MAP2: variants seen among roughly 807,000 people sequenced by gnomAD.
MAP2 encodes the protein microtubule associated protein 2.
In MAP2, 14 loss-of-function variants were observed where a neutral mutation model predicts 137.6. The ratio of observed to expected loss-of-function variants is 0.10; its 90% CI spans 0.07 to 0.16. The LOEUF is 0.16. MAP2 is among the 10% of genes least tolerant of loss of function. The probability of loss-of-function intolerance (pLI) is 1.00; values close to 1 mark genes in which losing one functional copy is unlikely to be tolerated. For missense variants in MAP2, 2,088 were observed against 2,191.5 expected (o/e 0.95, Z 0.94); for synonymous variants, 786 against 782.3 (o/e 1.00, Z -0.08).
chr2:209,514,733 A>C (rs1431663883), intron 2 of MAP2, among the ~76,000 whole-genome samples: 1 of 152,146 alleles, frequency 6.6e-6, no homozygotes, highest in African/African-American at 2.4e-5. Flanking sequence ...TAGTAGTACA[A>C]GGGATAAACT....
At position 209,625,115 on chromosome 2, in the gene MAP2, C is replaced by T. The variant is rs1034615030; in HGVS notation, c.-44C>T. 2.6e-5 allele frequency: 4 copies of T among 152,042 alleles called. No homozygotes were observed. Among genetic ancestry groups the T allele is most frequent in the Non-Finnish European group, 4.4e-5 (3 of 68,016 alleles). 9.4% of individuals were successfully genotyped at this position (152,042 alleles called of 1,614,324 possible). A position where few individuals can be genotyped will look rare whatever the true frequency, so the allele number is the denominator to read the frequency against. ...CGACACAACGAACTTTATATTTTAC[C>T]ACTTCCTTGAATAGGTAAGACTCTC... is the stretch of plus-strand genomic sequence containing the variant. On this transcript the variant is annotated 5_prime_UTR_variant, in exon 4 of 16. Coordinates refer to ENST00000682079, the MANE Select transcript of MAP2 (RefSeq NM_001375505.1).
chr2:209,457,633 A>C (rs1701847489), intron 1 of MAP2, among the ~76,000 whole-genome samples: 1 of 152,170 alleles, frequency 6.6e-6, no homozygotes, highest in Admixed American at 6.5e-5. Flanking sequence ...TTCCTCATCC[A>C]TTAAAAGAGG....
At chr2:209,690,565 T>C in intron 7 of MAP2, 2 of 1,252,602 alleles carry the variant, frequency 1.6e-6, no homozygotes, top group Non-Finnish European at 2.1e-6. Context: ...CATGTATTGT[T>C]CTGTGGTCAT....
chr2:209,643,827 A>G (rs2094212596), intron 4 of MAP2, among the ~76,000 whole-genome samples: 1 of 152,236 alleles, frequency 6.6e-6, no homozygotes, highest in African/African-American at 2.4e-5. Context: ...ATTTAACTCC[A>G]TCAACTCATC....
At chr2:209,537,625 C>T (rs16843060) in intron 2 of MAP2, among the ~76,000 whole-genome samples, 4,119 of 152,254 alleles carry the variant, frequency 0.027, 191 homozygotes, top group African/African-American at 0.094. Flanking sequence ...CCTTCATCAT[C>T]ATTTAGCACA....
intron 1 of MAP2, among the ~76,000 whole-genome samples, chr2:209,484,031 G>C (rs1181327079): frequency 6.6e-6 from 1 of 151,940 alleles, no homozygotes; most frequent in African/African-American, 2.4e-5. Context: ...TGATATGTTA[G>C]ACAACTCTAG....
In MAP2 at chr2:209,694,717, G is replaced by A. The variant is rs138369259; in HGVS notation, c.2547G>A (p.Pro849=). Residue 849 remains proline (P), a synonymous_variant, in exon 8 of 16, where the codon CCG becomes CCA. Coordinates refer to ENST00000682079, the MANE Select transcript of MAP2 (RefSeq NM_001375505.1). ...VVEDSRTGLP[P]VTDENHVIVK... is the part of the protein sequence containing the mutation. ...AGGATAGTCGTACTGGCTTGCCCCC[G>A]GTAACTGATGAAAACCATGTCATTG... The A allele has an allele frequency of 3.7e-5, 59 of 1,613,898 alleles. No individual in the cohort carries two copies. Among genetic ancestry groups the A allele is most frequent in the Middle Eastern group, 1.6e-4 (1 of 6,084 alleles).
chr2:209,475,083 G>T (rs960659893), intron 1 of MAP2, among the ~76,000 whole-genome samples: 2 of 151,868 alleles, frequency 1.3e-5, no homozygotes, highest in South Asian at 4.1e-4. Flanking sequence ...TCTTAATCCT[G>T]CAGTCTGGAA....
chr2:209,687,047 G>A (rs1438091767), intron 7 of MAP2, among the ~76,000 whole-genome samples: 4 of 151,622 alleles, frequency 2.6e-5, no homozygotes. Flanking sequence ...TACTACATTA[G>A]CCTTAGCATC....
intron 1 of MAP2, among the ~76,000 whole-genome samples, chr2:209,480,413 A>G (rs1224095304): frequency 1.3e-5 from 2 of 152,176 alleles, no homozygotes; most frequent in African/African-American, 4.8e-5. Flanking sequence ...AATAGTGTTG[A>G]ATTTCTGGCT....
At chr2:209,487,767 G>A (rs980912380) in intron 1 of MAP2, among the ~76,000 whole-genome samples, 4 of 152,166 alleles carry the variant, frequency 2.6e-5, no homozygotes, top group African/African-American at 9.6e-5. Flanking sequence ...GCATTATTCA[G>A]ATGCATTTTA....
At chr2:209,621,723 C>G (rs879645354) in intron 3 of MAP2, among the ~76,000 whole-genome samples, 8 of 152,164 alleles carry the variant, frequency 5.3e-5, no homozygotes, top group South Asian at 2.1e-4. Context: ...GTTCTTACAG[C>G]CGTTGAGGAA....
intron 13 of MAP2, among the ~76,000 whole-genome samples, chr2:209,725,104 T>C (rs1281637372): frequency 6.6e-6 from 1 of 152,194 alleles, no homozygotes; most frequent in Non-Finnish European, 1.5e-5. Flanking sequence ...TGGACCAAAC[T>C]TGGAGAAGCA....
chr2:209,558,686 C>CTAA (rs146564485), intron 2 of MAP2, among the ~76,000 whole-genome samples: 1,629 of 150,382 alleles, frequency 0.011, 18 homozygotes, highest in African/African-American at 0.035. Flanking sequence ...TGTTCTTTTT[C>CTAA]TAATAATAAT....
At chr2:209,654,981 A>G (rs1177060291) in intron 5 of MAP2, among the ~76,000 whole-genome samples, 1 of 152,184 alleles carries the variant, frequency 6.6e-6, no homozygotes, top group African/African-American at 2.4e-5. Context: ...AAAGCTTGTA[A>G]TACACAAAAA....
chr2:209,627,777 G>A lies in MAP2; in HGVS notation c.-30+2648G>A, dbSNP rs147599857. On this transcript the variant is annotated intron_variant, in intron 4 of 15. Transcript: ENST00000682079. ...GAAACAGTCTATTGAAAACCACGAAGATTAATTTAGTGATACCACTAAATG... is the reference window on the plus strand; with the variant it reads ...GAAACAGTCTATTGAAAACCACGAAAATTAATTTAGTGATACCACTAAATG... Among the ~76,000 whole-genome samples, 16 of 152,224 alleles carry A rather than the reference G, an allele frequency of 1.1e-4. No homozygotes were observed. The East Asian group carries it at 3.1e-3, about 29-fold the overall frequency.
intron 1 of MAP2, among the ~76,000 whole-genome samples, chr2:209,437,062 G>A (rs1157811739): frequency 6.6e-6 from 1 of 151,566 alleles, no homozygotes; most frequent in Non-Finnish European, 1.5e-5. Context: ...ATCAAATTAG[G>A]ACAGATTGCA....
intron 1 of MAP2, among the ~76,000 whole-genome samples, chr2:209,434,874 T>TTA (rs199921912): frequency 0.025 from 2,351 of 92,582 alleles, 90 homozygotes; most frequent in Middle Eastern, 0.031. Flanking sequence ...TATATATATG[T>TTA]TATATATATG....
chr2:209,504,610 AC>A (rs1483079248), intron 1 of MAP2, among the ~76,000 whole-genome samples: 1 of 152,188 alleles, frequency 6.6e-6, no homozygotes, highest in East Asian at 1.9e-4. Context: ...TGTATGAGAC[AC>A]CATGCAAGAT....
Sources: gnomAD v4.1 joint callset for allele counts (sites outside exome capture counted in the v4.1 genomes callset) on GRCh38, gnomAD v4.1.1 for gene constraint, MANE v1.5 for transcripts, NCBI Gene and HGNC (gene_info 2026-07-23, HGNC 2026-07-21) for gene names.